The following TF variants were observed in gnomAD, a reference collection of about 807,000 sequenced individuals.
TF encodes serotransferrin.
A neutral mutation model predicts 82.4 loss-of-function variants in TF; 55 were observed. That is an observed-to-expected ratio of 0.67 (90% confidence interval 0.54 to 0.84). The LOEUF is 0.84. Ranked by LOEUF, TF falls within the 40% of genes least tolerant of loss-of-function variation. The pLI, the probability that TF is intolerant of heterozygous loss-of-function variation, is 0.00. For missense variants in TF, 737 were observed against 868.4 expected, an observed-to-expected ratio of 0.85 and a Z score of 1.90; for synonymous variants, 332 against 332.6, an observed-to-expected ratio of 1.00 and a Z score of 0.02.
chr3:133,671,326 A>ACCC, the TF span, among the ~76,000 whole-genome samples: 6 of 152,220 alleles, frequency 3.9e-5, no homozygotes, highest in Non-Finnish European at 4.4e-5. Flanking sequence ...CATGAGTTGA[A>ACCC]TAAGAAATCA....
chr3:133,726,694 T>C, the TF span, among the ~76,000 whole-genome samples: 1 of 152,176 alleles, frequency 6.6e-6, no homozygotes, highest in African/African-American at 2.4e-5. Flanking sequence ...TCTTGCCTTC[T>C]GCTAGCTTTT....
chr3:133,745,036 T>C (rs1190583446), upstream of TF, among the ~76,000 whole-genome samples: 1 of 152,170 alleles, frequency 6.6e-6, no homozygotes, highest in Admixed American at 6.5e-5. Flanking sequence ...ACTTTGTGGT[T>C]TGTATGTGCC....
the TF span, among the ~76,000 whole-genome samples, chr3:133,735,522 T>C: frequency 1.3e-5 from 2 of 151,998 alleles, no homozygotes; most frequent in Admixed American, 6.6e-5. Context: ...TAAAGGAGCA[T>C]GTTCTAACCC....
the TF span, among the ~76,000 whole-genome samples, chr3:133,686,502 G>GA: frequency 6.6e-6 from 1 of 152,108 alleles, no homozygotes; most frequent in Non-Finnish European, 1.5e-5. Context: ...AAATTTACAA[G>GA]AAAAAATCAA....
Position 133,766,406 on chromosome 3 carries a change from T to C in TF, c.1459T>C (p.Tyr487His). 6.2e-7 allele frequency: 1 copy of C among 1,614,204 alleles called. No individual in the cohort carries two copies. The highest frequency in any genetic ancestry group is 1.1e-5 in the South Asian group (1 of 91,092). The change falls in exon 12 of 17, where the codon TAC (tyrosine) becomes CAC (histidine). Residue 487 changes from tyrosine to histidine, a missense_variant. Physicochemically the swap from Tyr to His is moderately conservative, Grantham distance 83 (BLOSUM62 2). Coordinates refer to ENST00000402696, the MANE Select transcript of TF (RefSeq NM_001063.4). ...CTGGAACATCCCCATGGGCCTGCTC[T>C]ACAATAAGATCAACCACTGCAGATT... ...AGWNIPMGLL[Y>H]NKINHCRFDE...
At chr3:133,708,970 C>T in the TF span, among the ~76,000 whole-genome samples, 2 of 151,836 alleles carry the variant, frequency 1.3e-5, no homozygotes, top group African/African-American at 4.8e-5. Flanking sequence ...GGAATGACTC[C>T]CACCCATAGT....
chr3:133,704,489 A>T, the TF span, among the ~76,000 whole-genome samples: 2 of 152,216 alleles, frequency 1.3e-5, no homozygotes, highest in South Asian at 4.1e-4. Context: ...AACAATTAAG[A>T]TATAGACAAA....
chr3:133,685,701 G>A, the TF span, among the ~76,000 whole-genome samples: 8 of 152,088 alleles, frequency 5.3e-5, no homozygotes, highest in African/African-American at 1.7e-4. Context: ...AATAAAAGAG[G>A]ACACAAACAA....
At chr3:133,727,668 A>G in the TF span, among the ~76,000 whole-genome samples, 2 of 118,248 alleles carry the variant, frequency 1.7e-5, no homozygotes, top group African/African-American at 3.3e-5. Context: ...TAAAGTTAAT[A>G]TTGTTATGTG....
the TF span, among the ~76,000 whole-genome samples, chr3:133,694,804 G>A: frequency 6.6e-6 from 1 of 151,982 alleles, no homozygotes; most frequent in Admixed American, 6.5e-5. Flanking sequence ...CTACTCCAAG[G>A]CTATCCAAAG....
At chr3:133,684,340 A>C in the TF span, among the ~76,000 whole-genome samples, 1 of 152,216 alleles carries the variant, frequency 6.6e-6, no homozygotes, top group African/African-American at 2.4e-5. Flanking sequence ...GAAGGCAAGA[A>C]ATAACTAAGA....
At chr3:133,672,815 GAAAA>G in the TF span, among the ~76,000 whole-genome samples, 1 of 145,610 alleles carries the variant, frequency 6.9e-6, no homozygotes, top group Non-Finnish European at 1.5e-5. Context: ...GAAAGAGAAA[GAAAA>G]AGAAAGAAAA....
At chr3:133,736,631 C>CAAAAAAGCAAAAAAAAA in the TF span, among the ~76,000 whole-genome samples, 1 of 32,562 alleles carries the variant, frequency 3.1e-5, no homozygotes, top group Non-Finnish European at 5.4e-5. Flanking sequence ...AATGGAAAGC[C>CAAAAAAGCAAAAAAAAA]AAAAAAAAAA....
At chr3:133,741,655 T>C (rs1933393282), upstream of TF, among the ~76,000 whole-genome samples, 1 of 152,250 alleles carries the variant, frequency 6.6e-6, no homozygotes, top group Non-Finnish European at 1.5e-5. Flanking sequence ...TATGAAATGA[T>C]GTTCCCATAC....
the TF span, among the ~76,000 whole-genome samples, chr3:133,697,020 A>T: frequency 6.6e-6 from 1 of 152,218 alleles, no homozygotes; most frequent in Non-Finnish European, 1.5e-5. Context: ...AGAATTTTAG[A>T]TCATCGCTTT....
chr3:133,757,999 G>A (rs8177324), intron 8 of TF, 53 bp downstream of exon 8: 366 of 1,581,914 alleles, frequency 2.3e-4, no homozygotes, highest in Non-Finnish European at 2.1e-4. Flanking sequence ...AACCTGGTGA[G>A]CACAGGGGCC....
chr3:133,742,412 T>C (rs1933409259), upstream of TF, among the ~76,000 whole-genome samples: 1 of 152,060 alleles, frequency 6.6e-6, no homozygotes, highest in Admixed American at 6.6e-5. Context: ...CAAGGACTTC[T>C]GAGAGGTAGA....
the TF span, among the ~76,000 whole-genome samples, chr3:133,718,399 C>A: frequency 6.6e-6 from 1 of 152,028 alleles, no homozygotes; most frequent in Non-Finnish European, 1.5e-5. Flanking sequence ...GAAGAGGGCA[C>A]TGGAGATGCA....
At chr3:133,666,466 C>T in the TF span, among the ~76,000 whole-genome samples, 1 of 152,108 alleles carries the variant, frequency 6.6e-6, no homozygotes, top group African/African-American at 2.4e-5. Flanking sequence ...CCACCGCACC[C>T]GGCCTTGAAT....
Sources: allele counts gnomAD v4.1 joint callset (sites outside exome capture counted in the v4.1 genomes callset), GRCh38; gene constraint gnomAD v4.1.1; transcripts MANE v1.5; gene names NCBI Gene and HGNC (gene_info 2026-07-23, HGNC 2026-07-21).